Variants in NVL observed in about 807,000 individuals in gnomAD.
NVL encodes nuclear valosin-containing protein-like.
A neutral mutation model predicts 110.2 loss-of-function variants in NVL; 84 were observed. The ratio of observed to expected loss-of-function variants is 0.76; its 90% CI spans 0.64 to 0.91. The LOEUF is 0.91. NVL is among the 40% of genes least tolerant of loss of function. The pLI is 0.00. For synonymous variants in NVL, 354 were observed against 361.1 expected (o/e 0.98, Z 0.22); for missense variants, 882 against 1,035.9 (o/e 0.85, Z 2.04).
intron 10 of NVL, 45 bp downstream of exon 10, chr1:224,300,517 G>C: frequency 7.3e-7 from 1 of 1,363,100 alleles, no homozygotes; most frequent in East Asian, 2.3e-5. Flanking sequence ...TTTAATATAA[G>C]CTGGTAGCGT....
chr1:224,323,889 C>G (rs1029624982), intron 2 of NVL, among the ~76,000 whole-genome samples: 1 of 152,260 alleles, frequency 6.6e-6, no homozygotes, highest in African/African-American at 2.4e-5. Context: ...GACCCATGAC[C>G]CTTTCTTTTT....
intron 11 of NVL, among the ~76,000 whole-genome samples, chr1:224,295,877 A>C (rs756546957): frequency 1.3e-5 from 2 of 149,458 alleles, no homozygotes; most frequent in Non-Finnish European, 1.5e-5. Context: ...GAGGAGGTGA[A>C]TAGGTTGAAC....
chr1:224,278,309 G>A (rs1340202327), intron 16 of NVL, among the ~76,000 whole-genome samples: 2 of 140,480 alleles, frequency 1.4e-5, no homozygotes, highest in Non-Finnish European at 3.0e-5. Flanking sequence ...TCTGCTCACC[G>A]TTAACCTCCA....
Position 224,242,857 on chromosome 1 carries a change from G to A in NVL, c.2290-6275C>T, listed in dbSNP as rs182481226. On this transcript the variant is annotated intron_variant, in intron 19 of 22. Coordinates refer to ENST00000281701, the MANE Select transcript of NVL (RefSeq NM_002533.4). ...TTTTTTTTTTTTGAGACAGAGTTTC[G>A]TCCTGTTGCCCAGGCTGGAGTGCAA... Among the ~76,000 whole-genome samples, 562 of 128,462 alleles carry A rather than the reference G, an allele frequency of 4.4e-3. 6 individuals carry two copies. Among genetic ancestry groups the A allele is most frequent in the Middle Eastern group, 0.027 (5 of 188 alleles). The allele number at this position is 128,462 out of a possible 152,430, so 84.3% of individuals were successfully genotyped here.
At chr1:224,281,236 T>C (rs1397851752) in intron 15 of NVL, 51 bp from the exon 16 acceptor site, 3 of 1,370,198 alleles carry the variant, frequency 2.2e-6, no homozygotes, top group Non-Finnish European at 3.1e-6. Context: ...ACAGTAATAA[T>C]AACAATAATA....
At position 224,327,095 on chromosome 1, in the gene NVL, C is replaced by T. The variant is rs917407139; in HGVS notation, c.58-631G>A. On this transcript the variant is annotated intron_variant, in intron 1 of 22. Coordinates refer to ENST00000281701, the MANE Select transcript of NVL (RefSeq NM_002533.4). ...CTTAGAGGTTGCAGTGAGCTATGAT[C>T]GAGCCACTGCACTCCAGCCTGGATA... Among the ~76,000 whole-genome samples the T allele has an allele frequency of 2.6e-5, 4 of 152,024 alleles. No homozygotes were observed. The East Asian group carries it at 5.8e-4, about 22-fold the overall frequency.
At chr1:224,327,977 G>C (rs1434702037) in intron 1 of NVL, among the ~76,000 whole-genome samples, 2 of 152,018 alleles carry the variant, frequency 1.3e-5, no homozygotes, top group African/African-American at 4.8e-5. Context: ...ACAGAGGCCA[G>C]AATATGCAGG....
At chr1:224,314,576 C>T (rs1393131267) in intron 4 of NVL, among the ~76,000 whole-genome samples, 1 of 152,068 alleles carries the variant, frequency 6.6e-6, no homozygotes, top group East Asian at 1.9e-4. Flanking sequence ...CGAAATCCTT[C>T]AGAAAAAGAA....
At chr1:224,239,577 G>A (rs992380873) in intron 19 of NVL, among the ~76,000 whole-genome samples, 8 of 152,218 alleles carry the variant, frequency 5.3e-5, no homozygotes, top group Admixed American at 3.9e-4. Context: ...GACACTCCGC[G>A]TGCTGTTAGA....
In NVL at chr1:224,250,261, C is replaced by T; in HGVS notation, c.2240G>A (p.Gly747Asp). Residue 747 changes from glycine (G) to aspartate (D), a missense_variant, in exon 19 of 23, where the codon GGT (glycine) becomes GAT (aspartate). This residue lies in a region of NVL where 126 missense variants were observed against 140.7 expected (regional missense o/e 0.90). Coordinates refer to ENST00000281701, the MANE Select transcript of NVL (RefSeq NM_002533.4). ...PGRLDKTLFV[G>D]LPPPADRLAI... ...AAGGCGATCTGCAGGGGGCGGTAAA[C>T]CCACAAACAGTGTTTTGTCCAGGCG... is the stretch of plus-strand genomic sequence containing the variant. The T allele has an allele frequency of 1.2e-6, 2 of 1,608,392 alleles. No individual in the cohort carries two copies. Among genetic ancestry groups the T allele is most frequent in the East Asian group, 2.3e-5 (1 of 44,278 alleles).
rs113545338 is a variant in NVL, at chr1:224,265,180, T to C, written c.2182+2854A>G. ...AACACCGGTACCACATTATGATTCA[T>C]CTGCCATTTCTGCCATTCTTAACAC... On this transcript the variant is annotated intron_variant, in intron 18 of 22. Coordinates refer to ENST00000281701, the MANE Select transcript of NVL (RefSeq NM_002533.4). Among the ~76,000 whole-genome samples, 254 of 152,252 alleles carry C rather than the reference T, an allele frequency of 1.7e-3. 1 individual carries two copies. The highest frequency in any genetic ancestry group is 6.0e-3 in the African/African-American group (248 of 41,558).
chr1:224,256,290 T>A (rs1020717566), intron 18 of NVL, among the ~76,000 whole-genome samples: 1 of 152,126 alleles, frequency 6.6e-6, no homozygotes, highest in African/African-American at 2.4e-5. Context: ...CTGAGCATGG[T>A]GTTGCATGCC....
intron 17 of NVL, chr1:224,269,748 TTTTTTC>T (rs1458833090): frequency 7.5e-6 from 1 of 132,838 alleles, no homozygotes; most frequent in African/African-American, 3.0e-5. Context: ...TCTTTCTTTC[TTTTTTC>T]TTTTTTTTTT....
At chr1:224,328,219 CT>C (rs1365416264) in intron 1 of NVL, among the ~76,000 whole-genome samples, 1 of 152,142 alleles carries the variant, frequency 6.6e-6, no homozygotes, top group Non-Finnish European at 1.5e-5. Flanking sequence ...TATCCCTCCC[CT>C]AGCCCGATTT....
intron 13 of NVL, among the ~76,000 whole-genome samples, chr1:224,288,984 C>T (rs559916615): frequency 1.3e-5 from 2 of 152,142 alleles, no homozygotes; most frequent in Non-Finnish European, 2.9e-5. Context: ...CCACTGTAAT[C>T]TACCTAACCA....
intron 19 of NVL, 79 bp from the exon 20 acceptor site, chr1:224,236,661 A>G (rs549671114): frequency 8.2e-7 from 1 of 1,224,088 alleles, no homozygotes; most frequent in Non-Finnish European, 1.2e-6. Context: ...TTGTAATCCC[A>G]GCACTTTGGG....
chr1:224,232,026 T>C (rs1473744710), intron 21 of NVL: 3 of 126,514 alleles, frequency 2.4e-5, no homozygotes, highest in Non-Finnish European at 3.3e-5. Context: ...GACTCAAGTT[T>C]AGAAAATAAA....
chr1:224,276,754 A>G (rs1665799339), intron 16 of NVL, among the ~76,000 whole-genome samples: 1 of 151,942 alleles, frequency 6.6e-6, no homozygotes. Context: ...ACCTCCAAAC[A>G]TTTCTTCTTG....
intron 15 of NVL, among the ~76,000 whole-genome samples, chr1:224,285,820 G>A (rs1333439478): frequency 6.6e-6 from 1 of 152,024 alleles, no homozygotes; most frequent in Non-Finnish European, 1.5e-5. Context: ...ATAGGATTAT[G>A]GTTGATATAA....
Sources: gnomAD v4.1 joint callset for allele counts (sites outside exome capture counted in the v4.1 genomes callset) on GRCh38, gnomAD v4.1.1 for gene constraint, gnomAD v4.1.1 regional missense constraint, MANE v1.5 for transcripts, NCBI Gene and HGNC (gene_info 2026-07-23, HGNC 2026-07-21) for gene names.